AKAP12: variants seen among roughly 807,000 people sequenced by gnomAD.
AKAP12 encodes the protein A-kinase anchor protein 12.
AKAP12 carries 32 observed loss-of-function variants against 79.9 expected under a neutral mutation model. That is an observed-to-expected ratio of 0.40 (90% CI 0.30 to 0.54). AKAP12 has a LOEUF of 0.54. AKAP12 is among the 20% of genes least tolerant of loss of function. AKAP12 has a pLI of 0.48. For synonymous variants in AKAP12, 808 were observed against 857.0 expected, an observed-to-expected ratio of 0.94 and a Z score of 1.00; for missense variants, 2,074 against 2,177.0, an observed-to-expected ratio of 0.95 and a Z score of 0.94.
Position 151,349,109 on chromosome 6 carries a change from G to A in AKAP12, c.718G>A (p.Glu240Lys), listed in dbSNP as rs552053449. 14 of 1,613,198 alleles carry A rather than the reference G, an allele frequency of 8.7e-6. No homozygotes were observed. The Admixed American group carries it at 1.3e-4, about 15-fold the overall frequency. Residue 240 changes from glutamate (E) to lysine (K), a missense_variant, in exon 4 of 5, where the codon GAA (glutamate) becomes AAA (lysine). Physicochemically the swap from Glu to Lys is moderately conservative, Grantham distance 56. Around this residue, in one of 3 missense-constraint regions of AKAP12, gnomAD observed 1,428 missense variants for 1,451.0 expected, o/e 0.98. Transcript: ENST00000402676. ...ACCCAAACAATCTACAGAGAAACCC[G>A]AAGAGACCCTGAAGCGTGAGCAAAG... ...SEPKQSTEKPEETLKREQSHA... is the reference protein window; with the variant it reads ...SEPKQSTEKPKETLKREQSHA...
chr6:151,273,034 A>C (rs1233630280), intron 2 of AKAP12, among the ~76,000 whole-genome samples: 1 of 152,116 alleles, frequency 6.6e-6, no homozygotes, highest in Non-Finnish European at 1.5e-5. Context: ...CAGCCTCCTG[A>C]GTAGCTGGGA....
chr6:151,349,389 A>T lies in AKAP12; in HGVS notation c.998A>T (p.Glu333Val). ...ASEKKKEQEP[E>V]KVDTEEDGKA... ...GAGAAGAAAAAGGAACAAGAGCCAGAAAAAGTAGACACAGAAGAAGACGGA... is the reference window on the plus strand; with the variant it reads ...GAGAAGAAAAAGGAACAAGAGCCAGTAAAAGTAGACACAGAAGAAGACGGA... Residue 333 changes from glutamate (E) to valine (V), a missense_variant, in exon 4 of 5, where the codon GAA becomes GTA. Transcript: ENST00000402676. 6.2e-7 allele frequency: 1 copy of T among 1,613,894 alleles called. No homozygotes were observed. Among genetic ancestry groups the T allele is most frequent in the Non-Finnish European group, 8.5e-7 (1 of 1,179,958 alleles).
At chr6:151,321,760 G>C (rs567118049) in intron 3 of AKAP12, among the ~76,000 whole-genome samples, 23 of 152,172 alleles carry the variant, frequency 1.5e-4, no homozygotes, top group African/African-American at 5.5e-4. Flanking sequence ...GGAACTACCA[G>C]CCTATTTTCC....
intron 3 of AKAP12, chr6:151,323,614 G>A (rs1220528911): frequency 1.4e-6 from 1 of 727,806 alleles, no homozygotes; most frequent in Non-Finnish European, 1.7e-6. Context: ...AAAAAGAAAT[G>A]TTTCAGTGCC....
chr6:151,309,565 T>C (rs1777047022), intron 3 of AKAP12, among the ~76,000 whole-genome samples: 1 of 152,160 alleles, frequency 6.6e-6, no homozygotes, highest in South Asian at 2.1e-4. Context: ...CCTCCTCCTA[T>C]AATGAAAACA....
intron 3 of AKAP12, among the ~76,000 whole-genome samples, chr6:151,314,688 C>G (rs1777197895): frequency 6.6e-6 from 1 of 152,154 alleles, no homozygotes; most frequent in Admixed American, 6.5e-5. Flanking sequence ...CAAATTGGGT[C>G]CATGTTCTGG....
intron 2 of AKAP12, among the ~76,000 whole-genome samples, chr6:151,303,492 G>C (rs891293539): frequency 6.6e-6 from 1 of 152,196 alleles, no homozygotes; most frequent in Non-Finnish European, 1.5e-5. Context: ...AGCCTTGCTG[G>C]GAGCCGAGAA....
intron 3 of AKAP12, among the ~76,000 whole-genome samples, chr6:151,328,054 G>A (rs552199330): frequency 3.9e-5 from 6 of 152,178 alleles, no homozygotes; most frequent in East Asian, 3.9e-4. Flanking sequence ...ACAACCGGGC[G>A]CGGTGGCTCA....
At chr6:151,288,313 G>A (rs1345114025) in intron 2 of AKAP12, among the ~76,000 whole-genome samples, 1 of 151,930 alleles carries the variant, frequency 6.6e-6, no homozygotes, top group African/African-American at 2.4e-5. Flanking sequence ...TCAGGAGTTT[G>A]AAACCAGCCT....
At chr6:151,285,988 C>G (rs1192945288) in intron 2 of AKAP12, among the ~76,000 whole-genome samples, 1 of 151,570 alleles carries the variant, frequency 6.6e-6, no homozygotes, top group Non-Finnish European at 1.5e-5. Flanking sequence ...AGCGATTCTT[C>G]TGCCTCAGCC....
chr6:151,288,069 TG>T (rs956511906), intron 2 of AKAP12, among the ~76,000 whole-genome samples: 1 of 92,302 alleles, frequency 1.1e-5, no homozygotes, highest in African/African-American at 4.4e-5. Context: ...TGTTGGGGAG[TG>T]GGGGGCTAGG....
intron 2 of AKAP12, among the ~76,000 whole-genome samples, chr6:151,260,008 GT>G (rs1375978553): frequency 6.6e-6 from 1 of 151,982 alleles, no homozygotes; most frequent in Non-Finnish European, 1.5e-5. Flanking sequence ...TCCTAACACA[GT>G]TGTTTTACTG....
intron 3 of AKAP12, among the ~76,000 whole-genome samples, chr6:151,340,837 G>T (rs556041787): frequency 6.6e-6 from 1 of 152,278 alleles, no homozygotes; most frequent in South Asian, 2.1e-4. Flanking sequence ...GTCCTTCATT[G>T]TGGATTCATC....
chr6:151,349,123 G>A lies in AKAP12; in HGVS notation c.732G>A (p.Lys244=). The A allele has an allele frequency of 6.2e-7, 1 of 1,613,800 alleles. No individual in the cohort carries two copies. The highest frequency in any genetic ancestry group is 8.5e-7 in the Non-Finnish European group (1 of 1,180,008). The change falls in exon 4 of 5, where the codon AAG becomes AAA. Residue 244 remains lysine, a synonymous_variant. Coordinates refer to ENST00000402676, the MANE Select transcript of AKAP12 (RefSeq NM_005100.4). ...CAGAGAAACCCGAAGAGACCCTGAA[G>A]CGTGAGCAAAGCCACGCAGAAATTT... is the stretch of plus-strand genomic sequence containing the variant. ...QSTEKPEETL[K]REQSHAEISP... is the part of the protein sequence containing the mutation.
At chr6:151,338,828 C>G (rs1777879756) in intron 3 of AKAP12, among the ~76,000 whole-genome samples, 2 of 152,230 alleles carry the variant, frequency 1.3e-5, no homozygotes, top group African/African-American at 2.4e-5. Context: ...CGGTGTCCAT[C>G]TGTCCCTTGT....
At chr6:151,294,585 C>G (rs1776686239) in intron 2 of AKAP12, among the ~76,000 whole-genome samples, 1 of 152,178 alleles carries the variant, frequency 6.6e-6, no homozygotes, top group African/African-American at 2.4e-5. Flanking sequence ...GGAATTCTGG[C>G]AGGCCATCTT....
At chr6:151,298,687 T>G (rs1449070900) in intron 2 of AKAP12, among the ~76,000 whole-genome samples, 1 of 151,820 alleles carries the variant, frequency 6.6e-6, no homozygotes, top group Non-Finnish European at 1.5e-5. Flanking sequence ...TCCCAACTAC[T>G]TGGGAGGCTG....
intron 2 of AKAP12, among the ~76,000 whole-genome samples, chr6:151,275,552 CAT>C (rs1345799244): frequency 6.6e-6 from 1 of 152,200 alleles, no homozygotes; most frequent in Non-Finnish European, 1.5e-5. Flanking sequence ...TCACCTTTCT[CAT>C]GTTCGTATTT....
rs1388149801 is a variant in AKAP12, at chr6:151,324,980, A to G, written c.319+19077A>G. The G allele has an allele frequency of 4.1e-6, 4 of 985,324 alleles. No individual in the cohort carries two copies. The African/African-American group carries it at 7.0e-5, about 17-fold the overall frequency. The allele number at this position is 985,324 out of a possible 1,614,324, so 61.0% of individuals were successfully genotyped here. A position where few individuals can be genotyped will look rare whatever the true frequency, so the allele number is the denominator to read the frequency against. ...ATTGGAACATGGCATAGTTTGATCT[A>G]AAAAGTTAGCTAACTTCTGCCATTT... On this transcript the variant is annotated intron_variant, in intron 3 of 4. Transcript: ENST00000402676.
Sources: gnomAD v4.1 joint callset for allele counts (sites outside exome capture counted in the v4.1 genomes callset) on GRCh38, gnomAD v4.1.1 for gene constraint, gnomAD v4.1.1 regional missense constraint, MANE v1.5 for transcripts, NCBI Gene and HGNC (gene_info 2026-07-23, HGNC 2026-07-21) for gene names.